The following LMOD1 variants were observed in gnomAD, a reference collection of about 807,000 sequenced individuals.
LMOD1 encodes the protein leiomodin-1.
In LMOD1, 8 loss-of-function variants were observed where a neutral mutation model predicts 36.5. The ratio of observed to expected loss-of-function variants is 0.22; its 90% CI spans 0.13 to 0.40. The LOEUF is 0.40. Ranked by LOEUF, LMOD1 falls within the 10% of genes least tolerant of loss-of-function variation. The probability of loss-of-function intolerance (pLI) is 1.00; values close to 1 mark genes in which losing one functional copy is unlikely to be tolerated. For missense variants in LMOD1, 630 were observed against 751.1 expected, an observed-to-expected ratio of 0.84 and a Z score of 1.88; for synonymous variants, 284 against 288.7, an observed-to-expected ratio of 0.98 and a Z score of 0.17.
At chr1:201,907,486 T>C (rs528719209) in intron 1 of LMOD1, among the ~76,000 whole-genome samples, 2 of 152,288 alleles carry the variant, frequency 1.3e-5, no homozygotes, top group Non-Finnish European at 2.9e-5. Flanking sequence ...ATCTTGGTAT[T>C]GTTTAGCAGG....
chr1:201,921,830 G>C (rs1681711240), intron 1 of LMOD1, among the ~76,000 whole-genome samples: 1 of 151,766 alleles, frequency 6.6e-6, no homozygotes, highest in Non-Finnish European at 1.5e-5. Context: ...CGTGGTGGTG[G>C]GCGCCTGTAG....
Position 201,900,552 on chromosome 1 carries a change from ATCT to A in LMOD1, c.458_460del (p.Lys153del), listed in dbSNP as rs779786129. ...CCGGCCCTTGTCAATGCCCCGGATG[ATCT>A]TCTCCTCCTTGGGCTTCTCGCCACT... is the stretch of plus-strand genomic sequence containing the variant. On this transcript the variant is annotated inframe_deletion, in exon 2 of 3. Transcript: ENST00000367288. 8.1e-6 allele frequency: 13 copies of A among 1,612,976 alleles called. No homozygotes were observed. The highest frequency in any genetic ancestry group is 1.7e-5 in the Admixed American group (1 of 59,926).
rs371919053 is a variant in LMOD1, at chr1:201,946,147, C to T, written c.194G>A (p.Arg65Gln). The T allele has an allele frequency of 1.9e-6, 3 of 1,614,008 alleles. No individual in the cohort carries two copies. Among genetic ancestry groups the T allele is most frequent in the African/African-American group, 1.3e-5 (1 of 75,060 alleles). Reference protein sequence around the residue: ...TEKQSTGVYNREAMLNFCEKE... With the variant: ...TEKQSTGVYNQEAMLNFCEKE... ...TTCACAGAAGTTGAGCATGGCCTCC[C>T]GGTTGTACACACCCGTGGACTGTTT... Residue 65 changes from arginine to glutamine, a missense_variant, in exon 1 of 3, where the codon CGG becomes CAG. By Grantham distance (43) the Arg-to-Gln change is conservative. Transcript: ENST00000367288.
At chr1:201,919,650 TG>T (rs1230103653) in intron 1 of LMOD1, among the ~76,000 whole-genome samples, 1 of 152,240 alleles carries the variant, frequency 6.6e-6, no homozygotes, top group Non-Finnish European at 1.5e-5. Flanking sequence ...TGCTTTTCTG[TG>T]GGCTAGAAAA....
At chr1:201,915,499 T>C (rs1364913345) in intron 1 of LMOD1, among the ~76,000 whole-genome samples, 1 of 152,104 alleles carries the variant, frequency 6.6e-6, no homozygotes, top group Non-Finnish European at 1.5e-5. Context: ...ACCCCTGCAC[T>C]ATTCCCTATC....
intron 1 of LMOD1, among the ~76,000 whole-genome samples, chr1:201,923,974 A>T (rs1681754491): frequency 6.6e-6 from 1 of 151,466 alleles, no homozygotes; most frequent in African/African-American, 2.4e-5. Context: ...GAAAAAGGAA[A>T]GAAAAGAAAG....
intron 1 of LMOD1, among the ~76,000 whole-genome samples, chr1:201,911,879 C>T (rs1042851726): frequency 3.9e-5 from 6 of 152,154 alleles, no homozygotes; most frequent in African/African-American, 1.4e-4. Context: ...CTATGCTCCA[C>T]AACATAATAA....
chr1:201,905,218 A>G (rs1452744420), intron 1 of LMOD1, among the ~76,000 whole-genome samples: 1 of 152,170 alleles, frequency 6.6e-6, no homozygotes, highest in African/African-American at 2.4e-5. Context: ...AATGGAAAGG[A>G]TGACCTCTGA....
rs753545673 is a variant in LMOD1, at chr1:201,900,308, C to G, written c.705G>C (p.Glu235Asp). 5 of 1,602,778 alleles carry G rather than the reference C, an allele frequency of 3.1e-6. No individual in the cohort carries two copies. Among genetic ancestry groups the G allele is most frequent in the Non-Finnish European group, 4.3e-6 (5 of 1,174,164 alleles). The change falls in exon 2 of 3, where the codon GAG (glutamate) becomes GAC (aspartate). Residue 235 changes from glutamate (E) to aspartate (D), a missense_variant. Physicochemically the swap from Glu to Asp is conservative, Grantham distance 45. Around this residue, in one of 3 missense-constraint regions of LMOD1, gnomAD observed 405 missense variants for 400.6 expected, o/e 1.01. Coordinates refer to ENST00000367288, the MANE Select transcript of LMOD1 (RefSeq NM_012134.3). Reference protein sequence around the residue: ...GERRNTDTRKEGEKMKRAGGN... With the variant: ...GERRNTDTRKDGEKMKRAGGN... ...CACCTGCTCTTTTCATCTTCTCACC[C>G]TCTTTTCTGGTGTCTGTGTTCCTAC...
chr1:201,930,861 G>A (rs900529154), intron 1 of LMOD1, among the ~76,000 whole-genome samples: 3 of 152,210 alleles, frequency 2.0e-5, no homozygotes, highest in Admixed American at 6.5e-5. Context: ...TATTGGCACC[G>A]AGGGAAATGA....
chr1:201,918,358 T>G (rs1206721904), intron 1 of LMOD1, among the ~76,000 whole-genome samples: 1 of 152,202 alleles, frequency 6.6e-6, no homozygotes, highest in Non-Finnish European at 1.5e-5. Flanking sequence ...TCTCTTTGAG[T>G]GCACTCTGTC....
intron 1 of LMOD1, among the ~76,000 whole-genome samples, chr1:201,938,377 C>A (rs779309964): frequency 6.6e-6 from 1 of 152,158 alleles, no homozygotes; most frequent in Non-Finnish European, 1.5e-5. Context: ...GATCTGCCCG[C>A]CTCGGCCTCC....
chr1:201,913,002 G>C (rs1235655712), intron 1 of LMOD1, among the ~76,000 whole-genome samples: 4 of 152,128 alleles, frequency 2.6e-5, no homozygotes, highest in Non-Finnish European at 5.9e-5. Flanking sequence ...TGGGAGCTGA[G>C]AGGCAGCGAG....
At chr1:201,898,559 A>G (rs1391030865) in intron 2 of LMOD1, among the ~76,000 whole-genome samples, 161 bp from the exon 3 acceptor site, 1 of 152,176 alleles carries the variant, frequency 6.6e-6, no homozygotes, top group African/African-American at 2.4e-5. Context: ...TAAAAATTGG[A>G]TGTCATTGAG....
chr1:201,912,960 C>T (rs1681539626), intron 1 of LMOD1, among the ~76,000 whole-genome samples: 1 of 152,142 alleles, frequency 6.6e-6, no homozygotes, highest in African/African-American at 2.4e-5. Context: ...GGCCTGCAAA[C>T]TTGAGGATGT....
intron 1 of LMOD1, among the ~76,000 whole-genome samples, chr1:201,932,987 G>A (rs912807517): frequency 3.3e-5 from 5 of 152,140 alleles, no homozygotes; most frequent in African/African-American, 7.2e-5. Context: ...CACTAAAAAT[G>A]TCCGAAAATG....
intron 1 of LMOD1, among the ~76,000 whole-genome samples, chr1:201,938,340 G>T (rs1422500467): frequency 6.6e-6 from 1 of 152,014 alleles, no homozygotes; most frequent in Non-Finnish European, 1.5e-5. Context: ...TGGTAGTCAG[G>T]CTGGTCTCAA....
At chr1:201,919,396 G>A (rs898690070) in intron 1 of LMOD1, among the ~76,000 whole-genome samples, 14 of 151,794 alleles carry the variant, frequency 9.2e-5, no homozygotes, top group African/African-American at 3.4e-4. Flanking sequence ...TAGAGACGGG[G>A]TTTCACCATG....
At chr1:201,934,381 A>C (rs1294109054) in intron 1 of LMOD1, among the ~76,000 whole-genome samples, 2 of 152,120 alleles carry the variant, frequency 1.3e-5, no homozygotes, top group African/African-American at 4.8e-5. Context: ...ACCTGGCTGT[A>C]TCTTGGCCCA....
Sources: gnomAD v4.1 joint callset for allele counts (sites outside exome capture counted in the v4.1 genomes callset) on GRCh38, gnomAD v4.1.1 for gene constraint, gnomAD v4.1.1 regional missense constraint, MANE v1.5 for transcripts, NCBI Gene and HGNC (gene_info 2026-07-23, HGNC 2026-07-21) for gene names.